The following ALK variants were observed in gnomAD, a reference collection of about 807,000 sequenced individuals.
The protein encoded by ALK is ALK tyrosine kinase receptor.
In ALK, 74 loss-of-function variants were observed where a neutral mutation model predicts 163.1. That is an observed-to-expected ratio of 0.45 (90% CI 0.38 to 0.55). ALK has a LOEUF of 0.55. ALK is among the 20% of genes least tolerant of loss of function. ALK has a pLI of 0.00. For synonymous variants in ALK, 960 were observed against 843.2 expected, an observed-to-expected ratio of 1.14 and a Z score of -2.40; for missense variants, 2,063 against 2,105.3, an observed-to-expected ratio of 0.98 and a Z score of 0.39.
chr2:29,773,640 G>A (rs2339476), intron 1 of ALK, among the ~76,000 whole-genome samples: 54,194 of 152,016 alleles, frequency 0.36, 12,115 homozygotes, highest in African/African-American at 0.63. Context: ...ACAAATATAA[G>A]TAAAACATCC....
chr2:29,743,017 A>G (rs1442004395), intron 1 of ALK, among the ~76,000 whole-genome samples: 1 of 152,174 alleles, frequency 6.6e-6, no homozygotes, highest in Non-Finnish European at 1.5e-5. Flanking sequence ...AAAAACTCCA[A>G]TATCCTAGGG....
chr2:29,481,347 T>G (rs561095899), intron 4 of ALK, among the ~76,000 whole-genome samples: 16 of 152,240 alleles, frequency 1.1e-4, no homozygotes, highest in Non-Finnish European at 2.2e-4. Context: ...AGATTTAAAA[T>G]AGAAGAGCAA....
At chr2:29,684,188 T>A (rs1449088262) in intron 3 of ALK, among the ~76,000 whole-genome samples, 1 of 152,212 alleles carries the variant, frequency 6.6e-6, no homozygotes, top group Non-Finnish European at 1.5e-5. Context: ...ATGTGTCTTA[T>A]CTGTATTATT....
chr2:29,198,070 C>T (rs1387757166), intron 26 of ALK, among the ~76,000 whole-genome samples: 1 of 152,058 alleles, frequency 6.6e-6, no homozygotes, highest in Non-Finnish European at 1.5e-5. Flanking sequence ...GTTGGTTTGC[C>T]TTATCATTTC....
chr2:29,699,069 ATC>A (rs1369670243), intron 2 of ALK, among the ~76,000 whole-genome samples: 1 of 152,090 alleles, frequency 6.6e-6, no homozygotes, highest in African/African-American at 2.4e-5. Context: ...TGCTTCTTGA[ATC>A]TCTCTCCTTC....
chr2:29,783,181 C>T (rs1663887919), intron 1 of ALK, among the ~76,000 whole-genome samples: 1 of 152,190 alleles, frequency 6.6e-6, no homozygotes, highest in South Asian at 2.1e-4. Flanking sequence ...ACATCATAAT[C>T]AATAGTTCTT....
intron 1 of ALK, among the ~76,000 whole-genome samples, chr2:29,825,980 T>C (rs1572411305): frequency 6.6e-6 from 1 of 152,314 alleles, no homozygotes; most frequent in South Asian, 2.1e-4. Context: ...TGACAGTGCC[T>C]GGTAACCCAT....
At chr2:29,304,101 G>A (rs191280623) in intron 8 of ALK, among the ~76,000 whole-genome samples, 109 of 152,234 alleles carry the variant, frequency 7.2e-4, no homozygotes, top group East Asian at 6.6e-3. Context: ...AGTTATAATC[G>A]TAGTTTCTTC....
At chr2:29,424,196 A>C (rs1322780279) in intron 4 of ALK, among the ~76,000 whole-genome samples, 1 of 152,232 alleles carries the variant, frequency 6.6e-6, no homozygotes. Context: ...GGTGTCCAAT[A>C]GATCAATGTA....
At chr2:29,407,586 C>T (rs1368397939) in intron 4 of ALK, among the ~76,000 whole-genome samples, 1 of 152,226 alleles carries the variant, frequency 6.6e-6, no homozygotes, top group Non-Finnish European at 1.5e-5. Flanking sequence ...GTCTCCTAAC[C>T]CACGAGGAAC....
At chr2:29,520,971 A>C (rs1484128370) in intron 4 of ALK, among the ~76,000 whole-genome samples, 4 of 152,168 alleles carry the variant, frequency 2.6e-5, no homozygotes, top group African/African-American at 9.7e-5. Context: ...TGGCCAGGAG[A>C]AGTCACTGAG....
intron 9 of ALK, among the ~76,000 whole-genome samples, chr2:29,289,313 A>G (rs765741922): frequency 6.6e-5 from 10 of 152,166 alleles, no homozygotes; most frequent in Admixed American, 5.2e-4. Flanking sequence ...CACGTCCCTT[A>G]TCATCAAGGT....
chr2:29,631,737 C>T (rs1312530597), intron 3 of ALK, among the ~76,000 whole-genome samples: 1 of 152,258 alleles, frequency 6.6e-6, no homozygotes, highest in Non-Finnish European at 1.5e-5. Context: ...TCACAGTTAA[C>T]CTGGCTTGAG....
At chr2:29,669,294 G>A (rs1677611924) in intron 3 of ALK, among the ~76,000 whole-genome samples, 1 of 151,988 alleles carries the variant, frequency 6.6e-6, no homozygotes, top group African/African-American at 2.4e-5. Context: ...TAGGTACATA[G>A]ATATTTATAA....
intron 1 of ALK, among the ~76,000 whole-genome samples, chr2:29,766,504 C>A (rs570995070): frequency 6.6e-6 from 1 of 152,320 alleles, no homozygotes; most frequent in African/African-American, 2.4e-5. Flanking sequence ...ACCTCCTGTT[C>A]ATTCATCAAG....
At chr2:29,461,796 A>C (rs1404808791) in intron 4 of ALK, among the ~76,000 whole-genome samples, 1 of 152,096 alleles carries the variant, frequency 6.6e-6, no homozygotes, top group Non-Finnish European at 1.5e-5. Context: ...TTTCAGTCTT[A>C]TTATTTAATA....
intron 1 of ALK, among the ~76,000 whole-genome samples, chr2:29,804,107 C>A (rs1369550031): frequency 6.6e-6 from 1 of 152,226 alleles, no homozygotes; most frequent in Non-Finnish European, 1.5e-5. Context: ...TTGCTCATTA[C>A]AGCATTGCAA....
intron 3 of ALK, among the ~76,000 whole-genome samples, chr2:29,672,033 T>C (rs999714715): frequency 2.7e-5 from 4 of 149,224 alleles, no homozygotes; most frequent in Non-Finnish European, 5.9e-5. Context: ...TAGTTTGGTA[T>C]ACATGCTTCC....
chr2:29,736,430 T>C, intron 1 of ALK, among the ~76,000 whole-genome samples: 1 of 152,054 alleles, frequency 6.6e-6, no homozygotes, highest in East Asian at 1.9e-4. Flanking sequence ...GCCATGTTCA[T>C]GCCAAATTAC....
Sources: allele counts gnomAD v4.1 joint callset (sites outside exome capture counted in the v4.1 genomes callset), GRCh38; gene constraint gnomAD v4.1.1; transcripts MANE v1.5; gene names NCBI Gene and HGNC (gene_info 2026-07-23, HGNC 2026-07-21).